Variants in SLC4A5 observed in about 807,000 individuals in gnomAD.
SLC4A5 encodes solute carrier family 4 member 5, also known as electrogenic sodium bicarbonate cotransporter 4.
Under a neutral mutation model 120.4 loss-of-function variants are expected in SLC4A5, and 96 were observed. The ratio of observed to expected loss-of-function variants is 0.80; its 90% CI spans 0.68 to 0.94. SLC4A5 has a LOEUF of 0.94. Ranked by LOEUF, SLC4A5 falls within the 40% of genes least tolerant of loss-of-function variation. The pLI is 0.00. For missense variants in SLC4A5, 1,259 were observed against 1,459.5 expected (o/e 0.86, Z 2.24); for synonymous variants, 550 against 571.1 (o/e 0.96, Z 0.53).
chr2:74,278,969 C>T (rs867504276), intron 8 of SLC4A5, among the ~76,000 whole-genome samples: 2 of 152,212 alleles, frequency 1.3e-5, no homozygotes, highest in Non-Finnish European at 2.9e-5. Flanking sequence ...AACCACAGAC[C>T]GGCCTGGAAT....
chr2:74,341,833 C>T (rs770226337), intron 2 of SLC4A5, among the ~76,000 whole-genome samples: 8 of 152,146 alleles, frequency 5.3e-5, no homozygotes, highest in Non-Finnish European at 1.2e-4. Flanking sequence ...GCTGCTCTTA[C>T]TCTGGAGTAA....
At chr2:74,313,058 T>A (rs1267376993) in intron 6 of SLC4A5, among the ~76,000 whole-genome samples, 1 of 151,286 alleles carries the variant, frequency 6.6e-6, no homozygotes, top group Non-Finnish European at 1.5e-5. Context: ...TCTTTTTTTT[T>A]TTTTTTTTAA....
intron 11 of SLC4A5, among the ~76,000 whole-genome samples, chr2:74,261,847 T>G (rs915696258): frequency 3.3e-5 from 5 of 152,216 alleles, no homozygotes; most frequent in Non-Finnish European, 5.9e-5. Context: ...TTGATGAAGA[T>G]GAAGGTACAG....
At chr2:74,260,256 C>T (rs997859233) in intron 11 of SLC4A5, among the ~76,000 whole-genome samples, 2 of 152,198 alleles carry the variant, frequency 1.3e-5, no homozygotes, top group Admixed American at 1.3e-4. Context: ...TATCGTGTCT[C>T]GGCTATTGGC....
At chr2:74,312,688 T>C (rs1364910430) in intron 6 of SLC4A5, among the ~76,000 whole-genome samples, 2 of 152,160 alleles carry the variant, frequency 1.3e-5, no homozygotes, top group Non-Finnish European at 2.9e-5. Flanking sequence ...ATCTCAGCAC[T>C]TTGGGAGGCT....
At chr2:74,258,824 G>T (rs567043537) in intron 12 of SLC4A5, among the ~76,000 whole-genome samples, 1 of 152,260 alleles carries the variant, frequency 6.6e-6, no homozygotes, top group African/African-American at 2.4e-5. Context: ...GACATGAGGG[G>T]CTGACTTTGT....
At chr2:74,307,386 A>G in intron 6 of SLC4A5, 2 of 629,336 alleles carry the variant, frequency 3.2e-6, no homozygotes, top group South Asian at 2.9e-5. Context: ...CTTCATGAAG[A>G]GCAGCTCCTC....
At chr2:74,226,923 C>T in intron 27 of SLC4A5, 34 bp downstream of exon 27, 1 of 1,599,704 alleles carries the variant, frequency 6.3e-7, no homozygotes, top group Non-Finnish European at 8.5e-7. Context: ...GGCCAACCTG[C>T]CAGGCAGGAG....
intron 7 of SLC4A5, among the ~76,000 whole-genome samples, chr2:74,286,874 T>C (rs1487775124): frequency 6.6e-6 from 1 of 152,116 alleles, no homozygotes; most frequent in Non-Finnish European, 1.5e-5. Context: ...GGAAACGTGC[T>C]GGTGAGTGTG....
intron 8 of SLC4A5, among the ~76,000 whole-genome samples, chr2:74,279,497 T>A (rs1372356694): frequency 6.6e-6 from 1 of 152,148 alleles, no homozygotes; most frequent in Non-Finnish European, 1.5e-5. Context: ...AATACTGAAG[T>A]TCCTAGGGGC....
intron 25 of SLC4A5, among the ~76,000 whole-genome samples, chr2:74,228,341 C>T (rs1223312939): frequency 1.3e-5 from 2 of 152,138 alleles, no homozygotes; most frequent in Non-Finnish European, 2.9e-5. Context: ...AGAAATCACG[C>T]ATCCGGCCGG....
chr2:74,233,303 T>C (rs1670156474), intron 23 of SLC4A5, 99 bp downstream of exon 23: 3 of 1,415,206 alleles, frequency 2.1e-6, no homozygotes, highest in Non-Finnish European at 3.0e-6. Context: ...CATATTTTCC[T>C]GGCCCAAAGT....
chr2:74,311,117 T>C (rs1261221766), intron 6 of SLC4A5, among the ~76,000 whole-genome samples: 2 of 152,202 alleles, frequency 1.3e-5, no homozygotes, highest in Non-Finnish European at 2.9e-5. Flanking sequence ...AATATTCCTT[T>C]ATTATCCTTT....
chr2:74,262,832 T>C (rs1028665569), intron 10 of SLC4A5, among the ~76,000 whole-genome samples: 1 of 152,176 alleles, frequency 6.6e-6, no homozygotes, highest in Non-Finnish European at 1.5e-5. Context: ...CTTAATGGCT[T>C]TGTGACCTTA....
At chr2:74,247,401 C>T (rs1484908641) in intron 18 of SLC4A5, 94 bp from the exon 19 acceptor site, 4 of 1,338,988 alleles carry the variant, frequency 3.0e-6, no homozygotes, top group Admixed American at 2.5e-5. Flanking sequence ...TATCTGTCCT[C>T]CTGTGGCACT....
Position 74,250,495 on chromosome 2 carries a change from CCA to C in SLC4A5, c.1499_1500del (p.Leu500ArgfsTer12). On this transcript the variant is annotated frameshift_variant, in exon 17 of 31. Transcript: ENST00000394019. LOFTEE classifies it high-confidence loss of function. ...AACCAGGGCAACTTCCTCTTGATATCCAGACACAGGCCACCGAAGAACCTGCT... is the reference window on the plus strand; with the variant it reads ...AACCAGGGCAACTTCCTCTTGATATCGACACAGGCCACCGAAGAACCTGCT... The C allele has an allele frequency of 6.2e-7, 1 of 1,614,170 alleles. No individual in the cohort carries two copies. The highest frequency in any genetic ancestry group is 1.6e-4 in the Middle Eastern group (1 of 6,062).
intron 19 of SLC4A5, among the ~76,000 whole-genome samples, chr2:74,244,514 CCTTT>C (rs1302502130): frequency 8.2e-5 from 12 of 146,804 alleles, no homozygotes; most frequent in Admixed American, 1.4e-4. Flanking sequence ...TTTTCTTTCC[CCTTT>C]CTTTCTCTTT....
chr2:74,233,298 T>C (rs997321700), intron 23 of SLC4A5, 104 bp downstream of exon 23: 2 of 1,379,544 alleles, frequency 1.4e-6, no homozygotes, highest in Non-Finnish European at 2.0e-6. Flanking sequence ...GTCCTCATAT[T>C]TTCCTGGCCC....
chr2:74,283,028 A>G (rs1671863506), intron 8 of SLC4A5, among the ~76,000 whole-genome samples: 1 of 152,208 alleles, frequency 6.6e-6, no homozygotes, highest in African/African-American at 2.4e-5. Context: ...TTGGATAGGC[A>G]TCCTGGGCTC....
Sources: gnomAD v4.1 joint callset for allele counts (sites outside exome capture counted in the v4.1 genomes callset) on GRCh38, gnomAD v4.1.1 for gene constraint, MANE v1.5 for transcripts, NCBI Gene and HGNC (gene_info 2026-07-23, HGNC 2026-07-21) for gene names.